C16orf86: variants seen among roughly 807,000 people sequenced by gnomAD.
C16orf86 encodes the protein chromosome 16 open reading frame 86.
A neutral mutation model predicts 21.5 loss-of-function variants in C16orf86; 19 were observed. The ratio of observed to expected loss-of-function variants is 0.88; its 90% CI spans 0.62 to 1.30. The LOEUF (loss-of-function observed/expected upper bound fraction) is 1.30, where lower values mean the gene tolerates loss of function less well. C16orf86 is among the 50% of genes most tolerant of loss of function. C16orf86 has a pLI of 0.00. For synonymous variants in C16orf86, 188 were observed against 183.5 expected (o/e 1.02, Z -0.20); for missense variants, 391 against 415.8 (o/e 0.94, Z 0.52).
In C16orf86 at chr16:67,668,562, G is replaced by C; in HGVS notation, c.916G>C (p.Ala306Pro). 6.2e-6 allele frequency: 10 copies of C among 1,613,526 alleles called. No individual in the cohort carries two copies. The highest frequency in any genetic ancestry group is 8.5e-6 in the Non-Finnish European group (10 of 1,179,882). ...CGACAAGATGCTGAGTGTCTGCACT[G>C]CTCCACTTGTCCCCCCGCTCTCTCC... is the stretch of plus-strand genomic sequence containing the variant. The part of the protein sequence containing the change: ...DIDKMLSVCT[A>P]PLVPPLSPQY... Residue 306 changes from alanine (A) to proline (P), a missense_variant, in exon 4 of 4, where the codon GCT (alanine) becomes CCT (proline). By Grantham distance (27) the Ala-to-Pro change is conservative. Coordinates refer to ENST00000403458, the MANE Select transcript of C16orf86 (RefSeq NM_001012984.3).
At position 67,668,706 on chromosome 16, in the gene C16orf86, C is replaced by A. The variant is rs1050790267; in HGVS notation, c.*106C>A. The A allele has an allele frequency of 9.1e-6, 8 of 878,454 alleles. No individual in the cohort carries two copies. In the African/African-American group the frequency reaches 1.3e-4, roughly 15 times the overall value. 54.4% of individuals were successfully genotyped at this position (878,454 alleles called of 1,614,324 possible). A position where few individuals can be genotyped will look rare whatever the true frequency, so the allele number is the denominator to read the frequency against. Reference sequence around the variant, plus strand: ...GGCGGGGGCAAATTTGGCACCTGCCCCCACTTGGGACTTTGGTCTTGCTGA... The same window carrying A: ...GGCGGGGGCAAATTTGGCACCTGCCACCACTTGGGACTTTGGTCTTGCTGA... On this transcript the variant is annotated 3_prime_UTR_variant, in exon 4 of 4. Transcript: ENST00000403458.
chr16:67,668,655 C>T lies in C16orf86; in HGVS notation c.*55C>T. 6.4e-7 allele frequency: 1 copy of T among 1,569,366 alleles called. No homozygotes were observed. The highest frequency in any genetic ancestry group is 8.7e-7 in the Non-Finnish European group (1 of 1,143,690). ...TTCCACGCCTGAATTTGGCTTCAGG[C>T]TTCCTGTGGGCCTAGGCCCTCTGGT... On this transcript the variant is annotated 3_prime_UTR_variant, in exon 4 of 4. Coordinates refer to ENST00000403458, the MANE Select transcript of C16orf86 (RefSeq NM_001012984.3).
intron 1 of C16orf86, 73 bp downstream of exon 1, chr16:67,667,145 C>A: frequency 1.4e-6 from 2 of 1,432,012 alleles, no homozygotes; most frequent in Non-Finnish European, 9.5e-7. Flanking sequence ...GCGCCCCGAC[C>A]CGCTAACTGC....
rs1425482925 is a variant in C16orf86 at position 67,668,568 on chromosome 16, C to T, written c.922C>T (p.Leu308Phe). Residue 308 changes from leucine (L) to phenylalanine (F), a missense_variant, in exon 4 of 4, where the codon CTT (leucine) becomes TTT (phenylalanine). By Grantham distance (22) the Leu-to-Phe change is conservative (BLOSUM62 0). Transcript: ENST00000403458. ...GATGCTGAGTGTCTGCACTGCTCCA[C>T]TTGTCCCCCCGCTCTCTCCTCAGTA... ...DKMLSVCTAP[L>F]VPPLSPQYK The T allele has an allele frequency of 8.1e-6, 13 of 1,613,534 alleles. No homozygotes were observed. Among genetic ancestry groups the T allele is most frequent in the Non-Finnish European group, 1.0e-5 (12 of 1,179,884 alleles).
Position 67,667,452 on chromosome 16 carries a change from C to G in C16orf86, c.259C>G (p.Leu87Val). ...GCGGCCCAAGCCGCATGCCGGGGCGCTAGAGGAGAGAGGCCCCAGGCCCGT... is the reference window on the plus strand; with the variant it reads ...GCGGCCCAAGCCGCATGCCGGGGCGGTAGAGGAGAGAGGCCCCAGGCCCGT... ...EERPKPHAGA[L>V]EERGPRPVVS... Residue 87 changes from leucine to valine, a missense_variant, in exon 2 of 4, where the codon CTA becomes GTA. Leu to Val is a conservative substitution (Grantham distance 32). Coordinates refer to ENST00000403458, the MANE Select transcript of C16orf86 (RefSeq NM_001012984.3). 1.2e-6 allele frequency: 2 copies of G among 1,611,590 alleles called. No homozygotes were observed. Among genetic ancestry groups the G allele is most frequent in the Non-Finnish European group, 8.5e-7 (1 of 1,179,464 alleles).
rs780052839 is a variant in C16orf86, at chr16:67,667,716, C to T, written c.333-162C>T. ...GTGGGAGCTTCAGGGCTTGTAGGGG[C>T]CTGGGCTCACTGGCCTCTAAGCCTC... On this transcript the variant is annotated intron_variant, in intron 2 of 3. Transcript: ENST00000403458. 38 of 1,523,778 alleles carry T rather than the reference C, an allele frequency of 2.5e-5. No individual in the cohort carries two copies. In the South Asian group the frequency reaches 4.3e-4, roughly 17 times the overall value. 94.4% of individuals were successfully genotyped at this position (1,523,778 alleles called of 1,614,324 possible). A position where few individuals can be genotyped will look rare whatever the true frequency, so the allele number is the denominator to read the frequency against.
chr16:67,667,867 C>G lies in C16orf86; in HGVS notation c.333-11C>G. ...CTGGAGCCTGGCTCAAGTCTCTTGT[C>G]CCTGGCTCAGGTCTCTCAGCCTCCC... On this transcript the variant is annotated splice_polypyrimidine_tract_variant and intron_variant, in intron 2 of 3. Coordinates refer to ENST00000403458, the MANE Select transcript of C16orf86 (RefSeq NM_001012984.3). 1 of 1,557,142 alleles carries G rather than the reference C, an allele frequency of 6.4e-7. No individual in the cohort carries two copies. The highest frequency in any genetic ancestry group is 1.2e-5 in the South Asian group (1 of 85,112).
Position 67,668,385 on chromosome 16 carries a change from G to A in C16orf86, c.739G>A (p.Gly247Ser). 2.5e-6 allele frequency: 4 copies of A among 1,612,674 alleles called. No homozygotes were observed. Among genetic ancestry groups the A allele is most frequent in the Non-Finnish European group, 3.4e-6 (4 of 1,179,836 alleles). ...LLPLAGELGPGLALPCPSPLV... is the reference protein window; with the variant it reads ...LLPLAGELGPSLALPCPSPLV... ...GCCCTTGGCAGGTGAGCTGGGCCCAGGCCTCGCTTTGCCCTGTCCCAGTCC... is the reference window on the plus strand; with the variant it reads ...GCCCTTGGCAGGTGAGCTGGGCCCAAGCCTCGCTTTGCCCTGTCCCAGTCC... Residue 247 changes from glycine to serine, a missense_variant, in exon 4 of 4, where the codon GGC becomes AGC. Coordinates refer to ENST00000403458, the MANE Select transcript of C16orf86 (RefSeq NM_001012984.3).
chr16:67,667,966 G>C lies in C16orf86; in HGVS notation c.421G>C (p.Asp141His). Residue 141 changes from aspartate (D) to histidine (H), a missense_variant, in exon 3 of 4, where the codon GAC becomes CAC. Transcript: ENST00000403458. ...KLPLQEEEPE[D>H]SQSEPSPSAK... ...GCCGCTGCAGGAGGAGGAGCCAGAGGACAGCCAGAGTGAGCCCTCACCATC... is the reference window on the plus strand; with the variant it reads ...GCCGCTGCAGGAGGAGGAGCCAGAGCACAGCCAGAGTGAGCCCTCACCATC... 2 of 1,613,454 alleles carry C rather than the reference G, an allele frequency of 1.2e-6. No individual in the cohort carries two copies. The highest frequency in any genetic ancestry group is 1.7e-6 in the Non-Finnish European group (2 of 1,179,852).
chr16:67,668,466 C>T lies in C16orf86; in HGVS notation c.820C>T (p.Pro274Ser). 6.2e-7 allele frequency: 1 copy of T among 1,612,976 alleles called. No individual in the cohort carries two copies. Among genetic ancestry groups the T allele is most frequent in the Non-Finnish European group, 8.5e-7 (1 of 1,179,740 alleles). Residue 274 changes from proline (P) to serine (S), a missense_variant, in exon 4 of 4, where the codon CCT (proline) becomes TCT (serine). Physicochemically the swap from Pro to Ser is moderately conservative, Grantham distance 74. Coordinates refer to ENST00000403458, the MANE Select transcript of C16orf86 (RefSeq NM_001012984.3). The stretch of plus-strand genomic sequence containing the variant: ...CCTCGGAGAGGAGGCTGGAGAGGAG[C>T]CTGGGGGCTTGCCCAGCTTGGGGGT... ...APLGEEAGEE[P>S]GGLPSLGVSD...
rs1486744119 is a variant in C16orf86 at position 67,667,535 on chromosome 16, C to G, written c.332+10C>G. ...AGAGAAAGCCTGTCAAGTGAGGGGG[C>G]TCTCGGGGGGAAGGAGCTGCAGCCC... On this transcript the variant is annotated intron_variant, in intron 2 of 3. Transcript: ENST00000403458. 5 of 1,591,312 alleles carry G rather than the reference C, an allele frequency of 3.1e-6. No homozygotes were observed. The highest frequency in any genetic ancestry group is 2.7e-5 in the African/African-American group (2 of 74,750).
intron 2 of C16orf86, 86 bp from the exon 3 acceptor site, chr16:67,667,792 G>C: frequency 3.3e-6 from 5 of 1,519,950 alleles, no homozygotes; most frequent in Non-Finnish European, 8.8e-7. Context: ...CGAGCCCTGG[G>C]GCTGTGGGCA....
Position 67,668,482 on chromosome 16 carries a change from G to C in C16orf86, c.836G>C (p.Ser279Thr). Reference sequence around the variant, plus strand: ...GGAGAGGAGCCTGGGGGCTTGCCCAGCTTGGGGGTGAGTGACCACAAGGCC... The same window carrying C: ...GGAGAGGAGCCTGGGGGCTTGCCCACCTTGGGGGTGAGTGACCACAAGGCC... ...EAGEEPGGLP[S>T]LGVSDHKAEV... The change falls in exon 4 of 4, where the codon AGC becomes ACC. Residue 279 changes from serine to threonine, a missense_variant. Physicochemically the swap from Ser to Thr is moderately conservative, Grantham distance 58 (BLOSUM62 1). Transcript: ENST00000403458. The C allele has an allele frequency of 6.2e-7, 1 of 1,613,120 alleles. No homozygotes were observed. Among genetic ancestry groups the C allele is most frequent in the Non-Finnish European group, 8.5e-7 (1 of 1,179,790 alleles).
Position 67,668,099 on chromosome 16 carries a change from G to A in C16orf86, c.553+1G>A, listed in dbSNP as rs1323906258. ...CCCTTAGAGACATTGAGGCTGGAGC[G>A]TGAGTGGCAGTCCCTGGACTGTTCC... On this transcript the variant is annotated splice_donor_variant, in intron 3 of 3. Transcript: ENST00000403458. LOFTEE classifies it high-confidence loss of function. 7 of 1,612,240 alleles carry A rather than the reference G, an allele frequency of 4.3e-6. No homozygotes were observed. The highest frequency in any genetic ancestry group is 5.1e-6 in the Non-Finnish European group (6 of 1,179,422).
chr16:67,666,897 A>C lies in C16orf86; in HGVS notation c.-74A>C. 9.6e-7 allele frequency: 1 copy of C among 1,045,548 alleles called. No homozygotes were observed. Among genetic ancestry groups the C allele is most frequent in the Non-Finnish European group, 1.3e-6 (1 of 770,432 alleles). The allele number at this position is 1,045,548 out of a possible 1,614,324, so 64.8% of individuals were successfully genotyped here. ...CGCTTGCTGGCCGGTCTCCGGGGTC[A>C]GCGCGGGGCCACCATCCAGCCCCTT... On this transcript the variant is annotated 5_prime_UTR_variant, in exon 1 of 4. Coordinates refer to ENST00000403458, the MANE Select transcript of C16orf86 (RefSeq NM_001012984.3).
Position 67,666,904 on chromosome 16 carries a change from G to C in C16orf86, c.-67G>C. On this transcript the variant is annotated 5_prime_UTR_variant, in exon 1 of 4. Coordinates refer to ENST00000403458, the MANE Select transcript of C16orf86 (RefSeq NM_001012984.3). ...TGGCCGGTCTCCGGGGTCAGCGCGGGGCCACCATCCAGCCCCTTGGGGCCC... is the reference window on the plus strand; with the variant it reads ...TGGCCGGTCTCCGGGGTCAGCGCGGCGCCACCATCCAGCCCCTTGGGGCCC... The C allele has an allele frequency of 4.5e-6, 5 of 1,122,782 alleles. No homozygotes were observed. The highest frequency in any genetic ancestry group is 6.0e-6 in the Non-Finnish European group (5 of 838,172). The allele number at this position is 1,122,782 out of a possible 1,614,324, so 69.6% of individuals were successfully genotyped here. A position where few individuals can be genotyped will look rare whatever the true frequency, so the allele number is the denominator to read the frequency against.
chr16:67,667,050 C>T lies in C16orf86; in HGVS notation c.80C>T (p.Pro27Leu). 6.9e-7 allele frequency: 1 copy of T among 1,453,430 alleles called. No individual in the cohort carries two copies. The highest frequency in any genetic ancestry group is 2.5e-5 in the East Asian group (1 of 40,606). 90.0% of individuals were successfully genotyped at this position (1,453,430 alleles called of 1,614,324 possible). A position where few individuals can be genotyped will look rare whatever the true frequency, so the allele number is the denominator to read the frequency against. ...GGGCAGGGACAGCTCACGGAGGAGC[C>T]CGGCAGCGCTCAGACCTCCGAGGTG... is the stretch of plus-strand genomic sequence containing the variant. ...VVGQGQLTEE[P>L]GSAQTSECPV... is the part of the protein sequence containing the mutation. Residue 27 changes from proline (P) to leucine (L), a missense_variant, in exon 1 of 4, where the codon CCC (proline) becomes CTC (leucine). By Grantham distance (98) the Pro-to-Leu change is moderately conservative. Coordinates refer to ENST00000403458, the MANE Select transcript of C16orf86 (RefSeq NM_001012984.3).
chr16:67,667,105 G>A (rs1209872786), intron 1 of C16orf86, 33 bp downstream of exon 1: 1 of 1,454,544 alleles, frequency 6.9e-7, no homozygotes, highest in Non-Finnish European at 9.1e-7. Context: ...TTCAAACACA[G>A]GGCCGCAGCG....
chr16:67,667,601 G>A (rs1364526220), intron 2 of C16orf86, 76 bp downstream of exon 2: 5 of 1,549,402 alleles, frequency 3.2e-6, no homozygotes, highest in Non-Finnish European at 4.4e-6. Context: ...CCTAAATCCT[G>A]CACTCCTGCA....
Sources: allele counts gnomAD v4.1 joint callset, GRCh38; gene constraint gnomAD v4.1.1; transcripts MANE v1.5; gene names NCBI Gene and HGNC (gene_info 2026-07-23, HGNC 2026-07-21).